The following GRID1 variants were observed in gnomAD, a reference collection of about 807,000 sequenced individuals.
GRID1 encodes glutamate ionotropic receptor delta type subunit 1, also known as glutamate receptor ionotropic, delta-1.
In GRID1, 28 loss-of-function variants were observed where a neutral mutation model predicts 98.0. The ratio of observed to expected loss-of-function variants is 0.29; its 90% confidence interval spans 0.21 to 0.39. GRID1 has a LOEUF of 0.39. GRID1 is among the 10% of genes least tolerant of loss of function. GRID1 has a pLI of 1.00. For missense variants in GRID1, 1,111 were observed against 1,340.5 expected (o/e 0.83, Z 2.67); for synonymous variants, 553 against 538.5 (o/e 1.03, Z -0.37).
intron 3 of GRID1, among the ~76,000 whole-genome samples, chr10:86,190,364 C>T (rs983018036): frequency 9.2e-5 from 14 of 152,212 alleles, no homozygotes; most frequent in Admixed American, 7.2e-4. Context: ...GCACAGGCTC[C>T]AGTGCACCCC....
At chr10:85,669,473 T>C (rs1267264624) in intron 12 of GRID1, among the ~76,000 whole-genome samples, 1 of 152,060 alleles carries the variant, frequency 6.6e-6, no homozygotes, top group Non-Finnish European at 1.5e-5. Context: ...GCTGGGAAAA[T>C]TAGAAGCAAA....
chr10:86,333,346 A>G (rs751450941), intron 2 of GRID1, among the ~76,000 whole-genome samples: 1 of 152,258 alleles, frequency 6.6e-6, no homozygotes, highest in Non-Finnish European at 1.5e-5. Context: ...TGCTGCTTCT[A>G]GGATAATTTC....
At chr10:86,077,568 C>T (rs547883267) in intron 4 of GRID1, among the ~76,000 whole-genome samples, 4 of 152,344 alleles carry the variant, frequency 2.6e-5, no homozygotes, top group African/African-American at 9.6e-5. Context: ...CTATCTGCTA[C>T]GTCTCCATGT....
Position 86,164,499 on chromosome 10 carries a change from T to A in GRID1, c.521-25475A>T, listed in dbSNP as rs907432451. The stretch of plus-strand genomic sequence containing the variant: ...GTTCCAGGCAGCCTGCTGAGCACAG[T>A]CTTAGAGGGACAGTCCCTGCCCTCA... On this transcript the variant is annotated intron_variant, in intron 3 of 15. Transcript: ENST00000327946. Among the ~76,000 whole-genome samples the A allele has an allele frequency of 4.6e-5, 7 of 152,260 alleles. No homozygotes were observed. In the East Asian group the frequency reaches 1.4e-3, roughly 29 times the overall value.
intron 4 of GRID1, among the ~76,000 whole-genome samples, chr10:86,022,311 T>G (rs745460695): frequency 8.5e-5 from 13 of 152,202 alleles, no homozygotes; most frequent in Non-Finnish European, 1.8e-4. Flanking sequence ...GTTTTTAAAT[T>G]TAAACTAATT....
At chr10:86,201,632 C>T (rs1845952639) in intron 3 of GRID1, among the ~76,000 whole-genome samples, 1 of 151,430 alleles carries the variant, frequency 6.6e-6, no homozygotes, top group Admixed American at 6.6e-5. Flanking sequence ...CAACAAACTC[C>T]CATGACATGA....
At chr10:86,349,983 C>T (rs538453760) in intron 2 of GRID1, among the ~76,000 whole-genome samples, 98 of 152,286 alleles carry the variant, frequency 6.4e-4, no homozygotes, top group Non-Finnish European at 1.2e-3. Flanking sequence ...GTAATAGGGG[C>T]CCTACTTGGA....
chr10:86,164,344 C>A (rs1373666466), intron 3 of GRID1, among the ~76,000 whole-genome samples: 3 of 152,144 alleles, frequency 2.0e-5, no homozygotes, highest in Non-Finnish European at 4.4e-5. Context: ...GGGTGGCCCA[C>A]CCCCAGCAGC....
chr10:85,675,443 T>C (rs1841133784), intron 12 of GRID1, among the ~76,000 whole-genome samples: 1 of 152,154 alleles, frequency 6.6e-6, no homozygotes, highest in South Asian at 2.1e-4. Context: ...CCAGGATGAC[T>C]CCTGGTGAGA....
At chr10:86,027,982 T>A (rs1843136732) in intron 4 of GRID1, among the ~76,000 whole-genome samples, 2 of 152,208 alleles carry the variant, frequency 1.3e-5, no homozygotes, top group Non-Finnish European at 2.9e-5. Context: ...ATCATCTGAC[T>A]AATCCTTCTA....
chr10:86,319,577 C>A (rs950063153), intron 2 of GRID1, among the ~76,000 whole-genome samples: 3 of 152,192 alleles, frequency 2.0e-5, no homozygotes, highest in African/African-American at 7.2e-5. Flanking sequence ...CCCTCTCCCC[C>A]CAACTCCTGT....
intron 4 of GRID1, among the ~76,000 whole-genome samples, chr10:86,019,508 C>T (rs914486402): frequency 1.3e-5 from 2 of 152,246 alleles, no homozygotes; most frequent in African/African-American, 4.8e-5. Context: ...CACACCCTGG[C>T]CAGCCAGGAA....
chr10:85,805,531 T>C (rs1842616014), intron 8 of GRID1, among the ~76,000 whole-genome samples: 1 of 151,788 alleles, frequency 6.6e-6, no homozygotes, highest in Non-Finnish European at 1.5e-5. Context: ...GGACTAAGAA[T>C]AGACAAAATA....
chr10:86,069,738 T>C (rs1256244626), intron 4 of GRID1, among the ~76,000 whole-genome samples: 1 of 152,156 alleles, frequency 6.6e-6, no homozygotes, highest in African/African-American at 2.4e-5. Context: ...GAACCTTGTT[T>C]TCAGTGGAAA....
At chr10:86,065,208 G>A (rs943652931) in intron 4 of GRID1, among the ~76,000 whole-genome samples, 3 of 152,206 alleles carry the variant, frequency 2.0e-5, no homozygotes, top group South Asian at 2.1e-4. Flanking sequence ...GACCAGCAGC[G>A]TCAGCATCAC....
chr10:86,226,245 T>C (rs1256230404), intron 2 of GRID1, among the ~76,000 whole-genome samples: 2 of 151,586 alleles, frequency 1.3e-5, no homozygotes, highest in African/African-American at 2.4e-5. Context: ...GCCTCACTCA[T>C]ATATGCAAAG....
In GRID1 at chr10:86,031,293, C is replaced by T. The variant is rs141928416; in HGVS notation, c.726+107526G>A. Among the ~76,000 whole-genome samples, 793 of 152,244 alleles carry T rather than the reference C, an allele frequency of 5.2e-3. 9 individuals are homozygous for T. Among genetic ancestry groups the T allele is most frequent in the African/African-American group, 0.018 (756 of 41,532 alleles). ...TGCAGCTGGAGGCCATTATTCTAAG[C>T]AAACTGATGCAAAAACAGAAAACCA... is the stretch of plus-strand genomic sequence containing the variant. On this transcript the variant is annotated intron_variant, in intron 4 of 15. Transcript: ENST00000327946.
intron 15 of GRID1, among the ~76,000 whole-genome samples, chr10:85,612,423 C>T (rs1842744003): frequency 6.6e-6 from 1 of 152,206 alleles, no homozygotes; most frequent in Non-Finnish European, 1.5e-5. Context: ...CTGCCCTGTA[C>T]TATCTGAGCC....
chr10:85,649,068 C>T (rs1447214330), intron 12 of GRID1, among the ~76,000 whole-genome samples: 1 of 152,224 alleles, frequency 6.6e-6, no homozygotes, highest in Admixed American at 6.5e-5. Context: ...TTGTGTTCAG[C>T]TCTCAGAGCA....
Sources: gnomAD v4.1 joint callset for allele counts (sites outside exome capture counted in the v4.1 genomes callset) on GRCh38, gnomAD v4.1.1 for gene constraint, MANE v1.5 for transcripts, NCBI Gene and HGNC (gene_info 2026-07-23, HGNC 2026-07-21) for gene names.